MADD: variants seen among roughly 807,000 people sequenced by gnomAD.
The protein encoded by MADD is MAP kinase-activating death domain protein.
In MADD, 109 loss-of-function variants were observed where a neutral mutation model predicts 176.7. That is an observed-to-expected ratio of 0.62 (90% CI 0.53 to 0.72). The LOEUF is 0.72. MADD is among the 30% of genes least tolerant of loss of function. The probability of loss-of-function intolerance (pLI) is 0.00; values close to 1 mark genes in which losing one functional copy is unlikely to be tolerated. For synonymous variants in MADD, 771 were observed against 771.3 expected, an observed-to-expected ratio of 1.00 and a Z score of 0.01; for missense variants, 1,914 against 2,045.5, an observed-to-expected ratio of 0.94 and a Z score of 1.24.
chr11:47,289,054 G>A, intron 15 of MADD, 27 bp downstream of exon 16: 1 of 1,570,558 alleles, frequency 6.4e-7, no homozygotes, highest in Non-Finnish European at 8.6e-7. Flanking sequence ...AGCTGTGCAT[G>A]ATCTTTTTTT....
chr11:47,274,694 G>A (rs569401772), exon 3 of MADD: 118 of 1,614,066 alleles, frequency 7.3e-5, no homozygotes, highest in Non-Finnish European at 9.3e-5. Context: ...CTGAGCGTGC[G>A]GCAGCGGCGC....
rs113265630 is a variant in MADD at position 47,304,510 on chromosome 11, G to A, written c.3643-4081G>A. 8.9e-3 allele frequency among the ~76,000 whole-genome samples: 1,356 copies of A among 152,266 alleles called. 22 individuals are homozygous for A. Among genetic ancestry groups the A allele is most frequent in the African/African-American group, 0.03 (1,264 of 41,556 alleles). On this transcript the variant is annotated intron_variant, in intron 22 of 32. Transcript: ENST00000402192. ...CTCCCAAAGTGTTGGGATTACAGGT[G>A]TGAGCCCCCACGCCTGGCCCTCTAT...
chr11:47,308,503 T>C, intron 22 of MADD, 88 bp from the exon 25 acceptor site: 1 of 842,262 alleles, frequency 1.2e-6, no homozygotes, highest in Non-Finnish European at 1.9e-6. Context: ...TGGTGACTGG[T>C]GTGAGAGCCT....
rs12573962 is a variant in MADD at position 47,284,109 on chromosome 11, G to C, written c.1863-69G>C. The C allele has an allele frequency of 0.095, 96,220 of 1,014,926 alleles. 5,081 individuals are homozygous for C. Among genetic ancestry groups the C allele is most frequent in the South Asian group, 0.11 (8,827 of 77,932 alleles). 62.9% of individuals were successfully genotyped at this position (1,014,926 alleles called of 1,614,324 possible). ...GAGTGCTCCCCCTTTTATTTTTCCT[G>C]GTGCTGATTGTAGGTGTTCTCCCTG... On this transcript the variant is annotated intron_variant, in intron 10 of 32. Transcript: ENST00000402192.
chr11:47,310,894 C>T (rs141919288), intron 25 of MADD, among the ~76,000 whole-genome samples: 2,383 of 109,866 alleles, frequency 0.022, 64 homozygotes, highest in African/African-American at 0.075. Flanking sequence ...GCAACAAGAG[C>T]GAAAATCCAT....
intron 29 of MADD, 52 bp downstream of exon 32, chr11:47,324,389 G>A (rs746095963): frequency 6.2e-7 from 1 of 1,606,292 alleles, no homozygotes. Context: ...CAGTCCTTCT[G>A]AGTGTCAGGG....
At chr11:47,320,528 G>A (rs893055232) in intron 27 of MADD, among the ~76,000 whole-genome samples, 11 of 152,150 alleles carry the variant, frequency 7.2e-5, no homozygotes, top group Non-Finnish European at 1.6e-4. Context: ...GCTCACGCCT[G>A]TAATCCCAGT....
intron 14 of MADD, among the ~76,000 whole-genome samples, chr11:47,286,040 T>C (rs1019062031): frequency 1.3e-5 from 2 of 152,236 alleles, no homozygotes; most frequent in African/African-American, 4.8e-5. Flanking sequence ...CAGCTAAAGA[T>C]TGAAGACAGA....
chr11:47,285,011 C>T (rs1310369765), exon 13 of MADD: 2 of 1,614,128 alleles, frequency 1.2e-6, no homozygotes, highest in Admixed American at 1.7e-5. Context: ...CCTTCCGTGC[C>T]TCCCAGCATT....
chr11:47,309,364 A>G, exon 24 of MADD: 1 of 1,614,164 alleles, frequency 6.2e-7, no homozygotes, highest in Non-Finnish European at 8.5e-7. Context: ...GAGAGAAGGG[A>G]TGGGTATGGA....
At chr11:47,274,740 C>T in exon 3 of MADD, 1 of 1,614,186 alleles carries the variant, frequency 6.2e-7, no homozygotes, top group Non-Finnish European at 8.5e-7. Context: ...TTGTCTTCAC[C>T]CTCACTGACA....
chr11:47,308,985 G>A, intron 23 of MADD: 1 of 1,613,970 alleles, frequency 6.2e-7, no homozygotes, highest in African/African-American at 1.3e-5. Context: ...GGCAGGAAGG[G>A]ACAAAGGATC....
upstream of MADD, chr11:47,269,236 G>A (rs533784745): frequency 1.3e-5 from 2 of 153,616 alleles, no homozygotes; most frequent in Admixed American, 6.5e-5. Flanking sequence ...TGACAGCCTT[G>A]GCCGTGAGAG....
chr11:47,278,957 A>G lies in MADD; in HGVS notation c.1210-42A>G, dbSNP rs753607506. 7.7e-6 allele frequency: 12 copies of G among 1,566,208 alleles called. No homozygotes were observed. In the Admixed American group the frequency reaches 1.7e-4, roughly 22 times the overall value. Reference sequence around the variant, plus strand: ...TTTATGTAAGTGAAATTCCTGAGCAATAAACTCTAAGGTCACGTCTTTTAT... The same window carrying G: ...TTTATGTAAGTGAAATTCCTGAGCAGTAAACTCTAAGGTCACGTCTTTTAT... On this transcript the variant is annotated intron_variant, in intron 6 of 32. Transcript: ENST00000402192.
chr11:47,275,928 C>G (rs766870804), exon 4 of MADD: 1 of 1,611,828 alleles, frequency 6.2e-7, no homozygotes, highest in Non-Finnish European at 8.5e-7. Context: ...TTTACTGGAT[C>G]GCTGCTGGTA....
At chr11:47,279,203 A>G in intron 7 of MADD, 124 bp downstream of exon 7, 1 of 879,210 alleles carries the variant, frequency 1.1e-6, no homozygotes, top group African/African-American at 1.7e-5. Flanking sequence ...TTCACCCTGG[A>G]TGGGCTTAAG....
chr11:47,269,702 C>G (rs559622900), upstream of MADD: 1 of 151,702 alleles, frequency 6.6e-6, no homozygotes, highest in Non-Finnish European at 1.5e-5. Context: ...TAGGCTCCAC[C>G]GCTCGGCAGC....
chr11:47,295,881 C>CT lies in MADD; in HGVS notation c.3484-10dup. 1 of 1,607,226 alleles carries CT rather than the reference C, an allele frequency of 6.2e-7. No individual in the cohort carries two copies. Among genetic ancestry groups the CT allele is most frequent in the South Asian group, 1.1e-5 (1 of 89,910 alleles). ...ATCCCTGGGGACTGTCTCTTACTAC[C>CT]TTTTTTCCTTTCCAGGTGAGTAATA... On this transcript the variant is annotated splice_polypyrimidine_tract_variant and intron_variant, in intron 21 of 32. Transcript: ENST00000402192.
At chr11:47,285,652 C>A (rs1460433087) in intron 14 of MADD, 62 bp downstream of exon 14, 1 of 1,603,416 alleles carries the variant, frequency 6.2e-7, no homozygotes, top group African/African-American at 1.3e-5. Flanking sequence ...CAGAGCCTGA[C>A]TATGGCAAAT....
Sources: gnomAD v4.1 joint callset for allele counts (sites outside exome capture counted in the v4.1 genomes callset) on GRCh38, gnomAD v4.1.1 for gene constraint, MANE v1.5 for transcripts, NCBI Gene and HGNC (gene_info 2026-07-23, HGNC 2026-07-21) for gene names.